Variants in ERBB4 observed in about 807,000 individuals in gnomAD.
The protein encoded by ERBB4 is receptor tyrosine-protein kinase erbB-4.
ERBB4 carries 42 observed loss-of-function variants against 158.0 expected under a neutral mutation model. The ratio of observed to expected loss-of-function variants is 0.27; its 90% CI spans 0.21 to 0.34. The LOEUF is 0.34. Among genes scored for constraint, ERBB4 ranks in the 10% least tolerant of loss-of-function variants. ERBB4 has a pLI of 1.00. For missense variants in ERBB4, 1,333 were observed against 1,624.1 expected (o/e 0.82, Z 3.08); for synonymous variants, 583 against 558.7 (o/e 1.04, Z -0.61).
At chr2:212,465,300 C>T (rs1410955530) in intron 1 of ERBB4, among the ~76,000 whole-genome samples, 1 of 151,854 alleles carries the variant, frequency 6.6e-6, no homozygotes, top group African/African-American at 2.4e-5. Context: ...TAAAGTTAAG[C>T]CCTGACAACT....
intron 1 of ERBB4, among the ~76,000 whole-genome samples, chr2:212,209,335 G>T (rs1186994895): frequency 1.3e-5 from 2 of 151,842 alleles, no homozygotes; most frequent in African/African-American, 4.8e-5. Flanking sequence ...TTTTTTGATA[G>T]GCAAAGAAAT....
At chr2:211,484,422 T>A (rs1239560642) in intron 20 of ERBB4, among the ~76,000 whole-genome samples, 2 of 152,164 alleles carry the variant, frequency 1.3e-5, no homozygotes, top group East Asian at 3.9e-4. Context: ...AAGACAGAGA[T>A]TGTTAGGTTA....
chr2:212,450,411 A>G (rs2092428145), intron 1 of ERBB4, among the ~76,000 whole-genome samples: 1 of 152,244 alleles, frequency 6.6e-6, no homozygotes, highest in South Asian at 2.1e-4. Flanking sequence ...GGAAAGAAAA[A>G]GAAAGTTCAG....
chr2:212,523,761 C>T (rs897196873), intron 1 of ERBB4, among the ~76,000 whole-genome samples: 12 of 151,896 alleles, frequency 7.9e-5, no homozygotes, highest in African/African-American at 2.9e-4. Flanking sequence ...GAACTCAATC[C>T]TCACCCCCAA....
intron 25 of ERBB4, among the ~76,000 whole-genome samples, chr2:211,406,104 G>T (rs2125365578): frequency 6.6e-6 from 1 of 152,240 alleles, no homozygotes; most frequent in East Asian, 1.9e-4. Context: ...CTAGAAGCCA[G>T]GTCTGACTTT....
intron 2 of ERBB4, among the ~76,000 whole-genome samples, chr2:211,958,147 A>G (rs898839739): frequency 1.3e-5 from 2 of 152,116 alleles, no homozygotes; most frequent in African/African-American, 4.8e-5. Context: ...TTTGGCCATA[A>G]AAAACACAAA....
chr2:211,900,812 T>C (rs1188487394), intron 3 of ERBB4, among the ~76,000 whole-genome samples: 1 of 152,116 alleles, frequency 6.6e-6, no homozygotes, highest in African/African-American at 2.4e-5. Flanking sequence ...CTTTCAGAAA[T>C]GTAAACACTC....
intron 19 of ERBB4, among the ~76,000 whole-genome samples, chr2:211,617,095 G>A (rs541782046): frequency 1.3e-5 from 2 of 152,016 alleles, no homozygotes; most frequent in East Asian, 1.9e-4. Flanking sequence ...ATCATGATGA[G>A]GATTTTAGAG....
intron 12 of ERBB4, among the ~76,000 whole-genome samples, chr2:211,680,251 A>G (rs2072279048): frequency 1.3e-5 from 2 of 152,192 alleles, no homozygotes; most frequent in South Asian, 2.1e-4. Flanking sequence ...TTTATACTGA[A>G]TATCTTTTAT....
intron 3 of ERBB4, among the ~76,000 whole-genome samples, chr2:211,848,306 C>CAGAA (rs1476308946): frequency 1.3e-5 from 2 of 151,922 alleles, no homozygotes; most frequent in East Asian, 3.9e-4. Context: ...CTGTATGACA[C>CAGAA]AGAAAGAAAT....
intron 1 of ERBB4, among the ~76,000 whole-genome samples, chr2:212,131,105 T>G (rs1386086833): frequency 6.6e-6 from 1 of 152,162 alleles, no homozygotes; most frequent in East Asian, 1.9e-4. Context: ...CTATTATAGT[T>G]ATGCAGAGAT....
At chr2:212,522,560 C>A (rs573331918) in intron 1 of ERBB4, among the ~76,000 whole-genome samples, 1 of 151,798 alleles carries the variant, frequency 6.6e-6, no homozygotes, top group African/African-American at 2.4e-5. Context: ...GAATAATCTA[C>A]GCAGAGGTAA....
chr2:212,345,265 C>CAAAAAAAAAAGAAAAAAAAAAAA (rs2088936734), intron 1 of ERBB4, among the ~76,000 whole-genome samples: 1 of 77,718 alleles, frequency 1.3e-5, no homozygotes. Context: ...GACTCCGTCT[C>CAAAAAAAAAAGAAAAAAAAAAAA]AAAAAAAAAA....
At chr2:212,141,233 G>C (rs1394608076) in intron 1 of ERBB4, among the ~76,000 whole-genome samples, 1 of 151,794 alleles carries the variant, frequency 6.6e-6, no homozygotes, top group Non-Finnish European at 1.5e-5. Context: ...CATTATATTA[G>C]AAGTCCATGA....
intron 1 of ERBB4, among the ~76,000 whole-genome samples, chr2:212,411,914 C>T (rs2091511311): frequency 6.6e-6 from 1 of 152,144 alleles, no homozygotes; most frequent in Admixed American, 6.6e-5. Context: ...TAACACCATG[C>T]CAGTTCCTTC....
At chr2:212,343,124 A>G (rs1290190554) in intron 1 of ERBB4, among the ~76,000 whole-genome samples, 1 of 152,214 alleles carries the variant, frequency 6.6e-6, no homozygotes, top group Non-Finnish European at 1.5e-5. Context: ...ATCAATGAAC[A>G]TATTTAACAA....
At chr2:212,245,415 G>A (rs999695067) in intron 1 of ERBB4, among the ~76,000 whole-genome samples, 2 of 152,004 alleles carry the variant, frequency 1.3e-5, no homozygotes, top group Admixed American at 6.6e-5. Context: ...ATAATCGAAT[G>A]GAAGCTATCC....
chr2:211,706,593 TAAAAAAACAAAAAAA>T (rs1370342264), intron 9 of ERBB4, among the ~76,000 whole-genome samples: 8 of 128,058 alleles, frequency 6.2e-5, no homozygotes, highest in South Asian at 2.6e-4. Flanking sequence ...TTCCACATCT[TAAAAAAACAAAAAAA>T]AAAAAAACAA....
chr2:211,592,200 C>A (rs74959725), intron 19 of ERBB4, among the ~76,000 whole-genome samples: 1 of 136,182 alleles, frequency 7.3e-6, no homozygotes, highest in Non-Finnish European at 1.6e-5. Flanking sequence ...GGGCTTTGGG[C>A]GTTATCAATC....
Sources: gnomAD v4.1 joint callset for allele counts (sites outside exome capture counted in the v4.1 genomes callset) on GRCh38, gnomAD v4.1.1 for gene constraint, MANE v1.5 for transcripts, NCBI Gene and HGNC (gene_info 2026-07-23, HGNC 2026-07-21) for gene names.